The following KIAA1143 variants were observed in gnomAD, a reference collection of about 807,000 sequenced individuals.
The protein encoded by KIAA1143 is uncharacterized protein KIAA1143.
A neutral mutation model predicts 17.0 loss-of-function variants in KIAA1143; 8 were observed. That is an observed-to-expected ratio of 0.47 (90% confidence interval 0.28 to 0.85). The LOEUF (loss-of-function observed/expected upper bound fraction) is 0.85, where lower values mean the gene tolerates loss of function less well. Among genes scored for constraint, KIAA1143 ranks in the 40% least tolerant of loss-of-function variants. The pLI, the probability that KIAA1143 is intolerant of heterozygous loss-of-function variation, is 0.12. For synonymous variants in KIAA1143, 64 were observed against 67.8 expected, an observed-to-expected ratio of 0.94 and a Z score of 0.27; for missense variants, 162 against 183.3, an observed-to-expected ratio of 0.88 and a Z score of 0.67.
chr3:44,759,214 G>C (rs188933828), intron 1 of KIAA1143, among the ~76,000 whole-genome samples: 74 of 152,218 alleles, frequency 4.9e-4, no homozygotes, highest in Middle Eastern at 3.4e-3. Flanking sequence ...CTTGATCCAT[G>C]GGCTGCAGAA....
intron 1 of KIAA1143, among the ~76,000 whole-genome samples, chr3:44,754,976 A>G (rs1322037264): frequency 6.6e-6 from 1 of 152,220 alleles, no homozygotes; most frequent in African/African-American, 2.4e-5. Flanking sequence ...CATAAAGTAC[A>G]GAGAATAACA....
chr3:44,756,260 C>T (rs1273220785), intron 1 of KIAA1143, among the ~76,000 whole-genome samples: 1 of 152,166 alleles, frequency 6.6e-6, no homozygotes, highest in African/African-American at 2.4e-5. Flanking sequence ...TCTGAATTAA[C>T]TCTCAAGAAA....
intron 2 of KIAA1143, among the ~76,000 whole-genome samples, chr3:44,754,000 TG>T (rs891316915): frequency 2.0e-5 from 3 of 152,152 alleles, no homozygotes; most frequent in African/African-American, 7.2e-5. Context: ...CACTTAATCC[TG>T]GTAACAACCC....
intron 1 of KIAA1143, among the ~76,000 whole-genome samples, chr3:44,757,246 T>A (rs774260472): frequency 6.6e-6 from 1 of 152,142 alleles, no homozygotes; most frequent in South Asian, 2.1e-4. Flanking sequence ...TTACCCTCTT[T>A]GTCATCATCC....
At chr3:44,753,675 G>GTCTTCTCCATTGT in intron 2 of KIAA1143, 123 bp from the exon 3 acceptor site, 2 of 967,614 alleles carry the variant, frequency 2.1e-6, no homozygotes, top group South Asian at 3.6e-5. Flanking sequence ...ATTCAGTCTG[G>GTCTTCTCCATTGT]TCTTCTCCAT....
intron 1 of KIAA1143, among the ~76,000 whole-genome samples, chr3:44,755,105 A>C (rs1343054550): frequency 1.3e-5 from 2 of 152,188 alleles, no homozygotes; most frequent in Non-Finnish European, 1.5e-5. Context: ...TAACTCAAAA[A>C]ATATCTTTGT....
chr3:44,754,507 C>T lies in KIAA1143; in HGVS notation c.109-139G>A, dbSNP rs995751894. Reference sequence around the variant, plus strand: ...AAGGGCAATGAATTTTAAGGTAACTCCAAAGAGACTTAGCTTGCCACACAA... The same window carrying T: ...AAGGGCAATGAATTTTAAGGTAACTTCAAAGAGACTTAGCTTGCCACACAA... On this transcript the variant is annotated intron_variant, in intron 1 of 2. Transcript: ENST00000296121. 5.0e-6 allele frequency: 4 copies of T among 794,726 alleles called. No homozygotes were observed. In the African/African-American group the frequency reaches 5.2e-5, roughly 10 times the overall value. 49.2% of individuals were successfully genotyped at this position (794,726 alleles called of 1,614,324 possible). A position where few individuals can be genotyped will look rare whatever the true frequency, so the allele number is the denominator to read the frequency against.
At chr3:44,759,995 C>T (rs1230977292) in intron 1 of KIAA1143, among the ~76,000 whole-genome samples, 1 of 150,842 alleles carries the variant, frequency 6.6e-6, no homozygotes, top group Non-Finnish European at 1.5e-5. Flanking sequence ...CCTTCATCAA[C>T]TATCTTAGCT....
intron 1 of KIAA1143, among the ~76,000 whole-genome samples, 200 bp from the exon 2 acceptor site, chr3:44,754,568 C>T (rs530241605): frequency 2.0e-5 from 3 of 152,288 alleles, no homozygotes; most frequent in African/African-American, 7.2e-5. Flanking sequence ...CCTGGAGTGC[C>T]TGTCCGGTGG....
intron 1 of KIAA1143, among the ~76,000 whole-genome samples, chr3:44,759,401 A>G (rs1705024282): frequency 6.6e-6 from 1 of 152,136 alleles, no homozygotes. Flanking sequence ...ACCATATTAT[A>G]AAGAGATGTG....
chr3:44,760,709 G>A lies in KIAA1143; in HGVS notation c.108+786C>T, dbSNP rs763285230. Among the ~76,000 whole-genome samples the A allele has an allele frequency of 2.6e-3, 346 of 132,682 alleles. 3 individuals carry two copies. Among genetic ancestry groups the A allele is most frequent in the Non-Finnish European group, 3.5e-3 (221 of 62,996 alleles). 87.0% of individuals were successfully genotyped at this position (132,682 alleles called of 152,430 possible). On this transcript the variant is annotated intron_variant, in intron 1 of 2. Coordinates refer to ENST00000296121, the MANE Select transcript of KIAA1143 (RefSeq NM_020696.4). ...GGCTTTTTTTTTTTTTTTTTGAGACGGAGTCTCGCTCTGTTGTCCAGGCTG... is the reference window on the plus strand; with the variant it reads ...GGCTTTTTTTTTTTTTTTTTGAGACAGAGTCTCGCTCTGTTGTCCAGGCTG...
chr3:44,761,563 C>G lies in KIAA1143; in HGVS notation c.40G>C (p.Glu14Gln). ...RNQVSYVRPA[E>Q]PAFLARFKER... ...TTGAAGCGGGCCAGAAACGCCGGCT[C>G]GGCTGGCCGCACGTACGATACCTGG... The change falls in exon 1 of 3, where the codon GAG becomes CAG. Residue 14 changes from glutamate (E) to glutamine (Q), a missense_variant. Glu to Gln is a conservative substitution (Grantham distance 29, BLOSUM62 2). Around this residue, in one of 2 missense-constraint regions of KIAA1143, gnomAD observed 137 missense variants for 132.5 expected, o/e 1.03. Transcript: ENST00000296121. 3 of 1,614,130 alleles carry G rather than the reference C, an allele frequency of 1.9e-6. No homozygotes were observed. The highest frequency in any genetic ancestry group is 2.5e-6 in the Non-Finnish European group (3 of 1,180,030).
In KIAA1143 at chr3:44,748,917, T is replaced by C. The variant is rs1342248429; in HGVS notation, c.*4424A>G. 6.6e-6 allele frequency: 1 copy of C among 152,128 alleles called. No individual in the cohort carries two copies. The highest frequency in any genetic ancestry group is 6.5e-5 in the Admixed American group (1 of 15,274). 9.4% of individuals were successfully genotyped at this position (152,128 alleles called of 1,614,324 possible). On this transcript the variant is annotated 3_prime_UTR_variant, in exon 3 of 3. Transcript: ENST00000296121. ...GTGTAGTTTGGTACAATAACACATA[T>C]AGCAATGATACAAATTAGGGGAAAA... is the stretch of plus-strand genomic sequence containing the variant.
Position 44,754,237 on chromosome 3 carries a change from C to G in KIAA1143, c.240G>C (p.Lys80Asn), listed in dbSNP as rs1704932795. 1.9e-6 allele frequency: 3 copies of G among 1,613,478 alleles called. No individual in the cohort carries two copies. The highest frequency in any genetic ancestry group is 4.5e-5 in the East Asian group (2 of 44,882). Residue 80 changes from lysine to asparagine, a missense_variant, in exon 2 of 3, where the codon AAG becomes AAC. By Grantham distance (94) the Lys-to-Asn change is moderately conservative (BLOSUM62 0). This residue lies in a region of KIAA1143 where 137 missense variants were observed against 132.5 expected (regional missense o/e 1.03). Transcript: ENST00000296121. ...EEVMKIKAEI[K>N]AAKADEEPTP... ...TTTTAGACCTACCTGCTTTGGCAGC[C>G]TTTATTTCTGCTTTAATTTTCATGA...
At chr3:44,758,899 G>GT (rs1410578513) in intron 1 of KIAA1143, among the ~76,000 whole-genome samples, 6 of 149,262 alleles carry the variant, frequency 4.0e-5, no homozygotes, top group Non-Finnish European at 7.4e-5. Context: ...GTCTGGCTCT[G>GT]TTACCCAGGC....
chr3:44,755,524 T>C lies in KIAA1143; in HGVS notation c.109-1156A>G, dbSNP rs564885025. Among the ~76,000 whole-genome samples the C allele has an allele frequency of 3.9e-5, 6 of 152,298 alleles. No individual in the cohort carries two copies. In the South Asian group the frequency reaches 1.2e-3, roughly 32 times the overall value. ...TCCTGTACCACTCTCTCATGGCATC[T>C]AGACTCTGGCATGGCAAGGTTTGAG... On this transcript the variant is annotated intron_variant, in intron 1 of 2. Coordinates refer to ENST00000296121, the MANE Select transcript of KIAA1143 (RefSeq NM_020696.4).
chr3:44,754,218 A>G lies in KIAA1143; in HGVS notation c.253+6T>C. 1 of 1,612,444 alleles carries G rather than the reference A, an allele frequency of 6.2e-7. No individual in the cohort carries two copies. Among genetic ancestry groups the G allele is most frequent in the Non-Finnish European group, 8.5e-7 (1 of 1,179,826 alleles). ...GTTAGAAAAACCAGATTACTTTTAG[A>G]CCTACCTGCTTTGGCAGCCTTTATT... On this transcript the variant is annotated splice_donor_region_variant and intron_variant, in intron 2 of 2. Coordinates refer to ENST00000296121, the MANE Select transcript of KIAA1143 (RefSeq NM_020696.4).
In KIAA1143 at chr3:44,749,740, GAA is replaced by G. The variant is rs1704868537; in HGVS notation, c.*3599_*3600del. 6.6e-6 allele frequency: 1 copy of G among 152,138 alleles called. No individual in the cohort carries two copies. Among genetic ancestry groups the G allele is most frequent in the South Asian group, 2.1e-4 (1 of 4,826 alleles). 9.4% of individuals were successfully genotyped at this position (152,138 alleles called of 1,614,324 possible). On this transcript the variant is annotated 3_prime_UTR_variant, in exon 3 of 3. Coordinates refer to ENST00000296121, the MANE Select transcript of KIAA1143 (RefSeq NM_020696.4). ...TTCCAGATAGAATAAAGGTTAATGT[GAA>G]TAAACAAAAACAAAGAGAATATGGG... is the stretch of plus-strand genomic sequence containing the variant.
chr3:44,758,469 C>T (rs1267200946), intron 1 of KIAA1143, among the ~76,000 whole-genome samples: 4 of 152,204 alleles, frequency 2.6e-5, no homozygotes, highest in African/African-American at 9.7e-5. Flanking sequence ...ACAATGTTCA[C>T]AGCATCTTCA....
Sources: allele counts gnomAD v4.1 joint callset (sites outside exome capture counted in the v4.1 genomes callset), GRCh38; gene constraint gnomAD v4.1.1; regional missense constraint gnomAD v4.1.1; transcripts MANE v1.5; gene names NCBI Gene and HGNC (gene_info 2026-07-23, HGNC 2026-07-21).